Variants in CACNB2 observed in about 807,000 individuals in gnomAD.
CACNB2 encodes the protein voltage-dependent L-type calcium channel subunit beta-2.
A neutral mutation model predicts 73.3 loss-of-function variants in CACNB2; 42 were observed. The observed-to-expected ratio is 0.57, with a 90% CI of 0.45 to 0.74. The LOEUF (loss-of-function observed/expected upper bound fraction) is 0.74, where lower values mean the gene tolerates loss of function less well. Ranked by LOEUF, CACNB2 falls within the 30% of genes least tolerant of loss-of-function variation. The probability of loss-of-function intolerance (pLI) is 0.00; values close to 1 mark genes in which losing one functional copy is unlikely to be tolerated. For missense variants in CACNB2, 940 were observed against 853.0 expected, an observed-to-expected ratio of 1.10 and a Z score of -1.27; for synonymous variants, 348 against 310.3, an observed-to-expected ratio of 1.12 and a Z score of -1.28.
At chr10:18,434,516 A>G (rs766879558) in intron 3 of CACNB2, among the ~76,000 whole-genome samples, 2 of 152,210 alleles carry the variant, frequency 1.3e-5, no homozygotes, top group Non-Finnish European at 2.9e-5. Context: ...CATTTCCCAA[A>G]TGTTTTAGTC....
chr10:18,488,327 T>C (rs1002314802), intron 3 of CACNB2, among the ~76,000 whole-genome samples: 1 of 150,950 alleles, frequency 6.6e-6, no homozygotes, highest in Non-Finnish European at 1.5e-5. Flanking sequence ...TACAGAAAAT[T>C]AGCCAGGCGT....
At chr10:18,179,259 T>C (rs1264267635) in intron 2 of CACNB2, among the ~76,000 whole-genome samples, 1 of 152,178 alleles carries the variant, frequency 6.6e-6, no homozygotes, top group Non-Finnish European at 1.5e-5. Flanking sequence ...GGTTTATAAA[T>C]AGCAGACATA....
chr10:18,510,810 G>T (rs1465085029), intron 6 of CACNB2, among the ~76,000 whole-genome samples: 2 of 152,144 alleles, frequency 1.3e-5, no homozygotes, highest in African/African-American at 4.8e-5. Context: ...AGATGAGAAA[G>T]ATAAAACCTG....
intron 2 of CACNB2, among the ~76,000 whole-genome samples, chr10:18,220,903 G>A (rs922430072): frequency 3.3e-5 from 5 of 152,244 alleles, no homozygotes; most frequent in Admixed American, 2.0e-4. Context: ...CCATGAAACC[G>A]GCCTCTGGTG....
chr10:18,370,892 T>C (rs1241486740), intron 2 of CACNB2, among the ~76,000 whole-genome samples: 1 of 152,232 alleles, frequency 6.6e-6, no homozygotes, highest in Admixed American at 6.5e-5. Context: ...TATCTCGATA[T>C]GTAAATATAG....
chr10:18,339,176 A>C (rs2041135994), intron 2 of CACNB2, among the ~76,000 whole-genome samples: 1 of 152,076 alleles, frequency 6.6e-6, no homozygotes, highest in Non-Finnish European at 1.5e-5. Context: ...TTGTGCATCA[A>C]CAGTTTCATT....
chr10:18,349,719 G>T (rs1022892505), intron 2 of CACNB2, among the ~76,000 whole-genome samples: 5 of 121,762 alleles, frequency 4.1e-5, no homozygotes, highest in Admixed American at 3.6e-4. Flanking sequence ...TTCAGTTGGA[G>T]ATGATTTAAA....
intron 2 of CACNB2, among the ~76,000 whole-genome samples, chr10:18,162,907 A>G (rs10764331): frequency 0.48 from 72,327 of 151,936 alleles, 17,609 homozygotes; most frequent in East Asian, 0.57. Flanking sequence ...GGGATGCACA[A>G]TGTGTTTCTG....
intron 3 of CACNB2, among the ~76,000 whole-genome samples, chr10:18,461,783 T>TTTTTG (rs1170783661): frequency 6.7e-6 from 1 of 148,724 alleles, no homozygotes; most frequent in African/African-American, 2.5e-5. Flanking sequence ...TTTTTTTTTT[T>TTTTTG]TTTGGCGTTG....
At chr10:18,373,776 C>A (rs1169097924) in intron 2 of CACNB2, among the ~76,000 whole-genome samples, 1 of 152,142 alleles carries the variant, frequency 6.6e-6, no homozygotes, top group African/African-American at 2.4e-5. Context: ...AATGCAGTTG[C>A]TATGTGATTT....
At position 18,165,476 on chromosome 10, in the gene CACNB2, G is replaced by C. The variant is rs187937768; in HGVS notation, c.213+14501G>C. Among the ~76,000 whole-genome samples, 7 of 152,332 alleles carry C rather than the reference G, an allele frequency of 4.6e-5. No individual in the cohort carries two copies. In the East Asian group the frequency reaches 1.4e-3, roughly 29 times the overall value. On this transcript the variant is annotated intron_variant, in intron 2 of 13. Coordinates refer to ENST00000324631, the MANE Select transcript of CACNB2 (RefSeq NM_201596.3). ...CGCCCAGGCTGAAGTGCAAAGGCAC[G>C]ATCTCGGCTCCCTGTGACCTCCGCC...
At chr10:18,485,450 A>G (rs1406231175) in intron 3 of CACNB2, among the ~76,000 whole-genome samples, 6 of 152,250 alleles carry the variant, frequency 3.9e-5, no homozygotes, top group African/African-American at 1.4e-4. Context: ...TAATATAATA[A>G]AAGAGTAGAA....
intron 3 of CACNB2, among the ~76,000 whole-genome samples, chr10:18,432,863 C>A (rs1330219625): frequency 2.1e-5 from 3 of 143,586 alleles, no homozygotes; most frequent in African/African-American, 5.3e-5. Context: ...AACAAACAAA[C>A]AAAAAACTGT....
chr10:18,538,285 A>C lies in CACNB2; in HGVS notation c.1408A>C (p.Ser470Arg). The C allele has an allele frequency of 6.2e-7, 1 of 1,614,150 alleles. No homozygotes were observed. Among genetic ancestry groups the C allele is most frequent in the Non-Finnish European group, 8.5e-7 (1 of 1,179,988 alleles). Reference protein sequence around the residue: ...YWKATHPPSSSLPNPLLSRTL... With the variant: ...YWKATHPPSSRLPNPLLSRTL... The stretch of plus-strand genomic sequence containing the variant: ...GAAGGCCACCCATCCTCCCAGCAGT[A>C]GCCTCCCCAACCCTCTCCTTAGCCG... The change falls in exon 13 of 14, where the codon AGC becomes CGC. Residue 470 changes from serine to arginine, a missense_variant. By Grantham distance (110) the Ser-to-Arg change is moderately radical. Coordinates refer to ENST00000324631, the MANE Select transcript of CACNB2 (RefSeq NM_201596.3).
intron 2 of CACNB2, among the ~76,000 whole-genome samples, chr10:18,217,325 A>G (rs1022639717): frequency 6.6e-6 from 1 of 152,056 alleles, no homozygotes; most frequent in Non-Finnish European, 1.5e-5. Context: ...CTCTCCTGAA[A>G]ATACAAAAAT....
intron 2 of CACNB2, among the ~76,000 whole-genome samples, chr10:18,278,529 G>GA (rs1402663232): frequency 1.7e-4 from 25 of 149,776 alleles, no homozygotes; most frequent in African/African-American, 5.4e-4. Flanking sequence ...GCTATTGAGA[G>GA]AAAAACAAAG....
At chr10:18,193,633 G>C (rs1236368642) in intron 2 of CACNB2, among the ~76,000 whole-genome samples, 2 of 152,170 alleles carry the variant, frequency 1.3e-5, no homozygotes, top group African/African-American at 4.8e-5. Flanking sequence ...GTGGGTTGAT[G>C]TGTGTTTTAC....
chr10:18,284,310 A>G (rs2038692563), intron 2 of CACNB2, among the ~76,000 whole-genome samples: 1 of 152,164 alleles, frequency 6.6e-6, no homozygotes, highest in Admixed American at 6.5e-5. Context: ...CACCCCCATG[A>G]TTCAATTACC....
At chr10:18,463,245 C>G (rs2047678130) in intron 3 of CACNB2, among the ~76,000 whole-genome samples, 1 of 152,044 alleles carries the variant, frequency 6.6e-6, no homozygotes, top group African/African-American at 2.4e-5. Flanking sequence ...TGTTCTTGGC[C>G]AGGCATGGTG....
Sources: gnomAD v4.1 joint callset for allele counts (sites outside exome capture counted in the v4.1 genomes callset) on GRCh38, gnomAD v4.1.1 for gene constraint, MANE v1.5 for transcripts, NCBI Gene and HGNC (gene_info 2026-07-23, HGNC 2026-07-21) for gene names.